FSTL4: variants seen among roughly 807,000 people sequenced by gnomAD.
FSTL4 encodes follistatin-related protein 4.
In FSTL4, 28 loss-of-function variants were observed where a neutral mutation model predicts 78.2. That is an observed-to-expected ratio of 0.36 (90% confidence interval 0.27 to 0.49). The LOEUF is 0.49. Ranked by LOEUF, FSTL4 falls within the 20% of genes least tolerant of loss-of-function variation. The probability of loss-of-function intolerance (pLI) is 0.98; values close to 1 mark genes in which losing one functional copy is unlikely to be tolerated. For synonymous variants in FSTL4, 422 were observed against 440.5 expected, an observed-to-expected ratio of 0.96 and a Z score of 0.53; for missense variants, 922 against 1,084.9, an observed-to-expected ratio of 0.85 and a Z score of 2.11.
intron 7 of FSTL4, 94 bp from the exon 8 acceptor site, chr5:133,233,631 G>A: frequency 6.8e-7 from 1 of 1,472,182 alleles, no homozygotes; most frequent in Non-Finnish European, 9.4e-7. Context: ...TCCTGCAGCT[G>A]GGAGAGAGTT....
At chr5:133,606,063 G>A (rs1277567935) in intron 1 of FSTL4, among the ~76,000 whole-genome samples, 1 of 152,118 alleles carries the variant, frequency 6.6e-6, no homozygotes, top group African/African-American at 2.4e-5. Flanking sequence ...AGAAGGAGCA[G>A]GAAAAGAAAA....
chr5:133,644,135 A>G, the FSTL4 span, among the ~76,000 whole-genome samples: 1 of 152,142 alleles, frequency 6.6e-6, no homozygotes, highest in African/African-American at 2.4e-5. Context: ...GCACTGTGCT[A>G]GGAGAAAAGA....
intron 4 of FSTL4, among the ~76,000 whole-genome samples, chr5:133,328,736 T>C (rs556752199): frequency 4.6e-5 from 7 of 152,146 alleles, no homozygotes; most frequent in Non-Finnish European, 1.0e-4. Flanking sequence ...GCAGAAGCAG[T>C]AGTGCTGGAC....
At chr5:133,500,082 C>G (rs555289595) in intron 3 of FSTL4, among the ~76,000 whole-genome samples, 2 of 152,228 alleles carry the variant, frequency 1.3e-5, no homozygotes, top group East Asian at 3.9e-4. Context: ...AGGAGTAGAG[C>G]AGGAGTTCTA....
At chr5:133,266,265 T>G (rs1752638884) in intron 6 of FSTL4, among the ~76,000 whole-genome samples, 1 of 152,264 alleles carries the variant, frequency 6.6e-6, no homozygotes, top group African/African-American at 2.4e-5. Flanking sequence ...ACATGGCTGC[T>G]GACTATTTTC....
At chr5:133,822,708 C>T in the FSTL4 span, among the ~76,000 whole-genome samples, 1 of 152,182 alleles carries the variant, frequency 6.6e-6, no homozygotes, top group African/African-American at 2.4e-5. Context: ...ATATGAATCC[C>T]ATCTTTAATA....
Position 133,561,523 on chromosome 5 carries a change from C to G in FSTL4, c.160+5663G>C, listed in dbSNP as rs113978887. 2.0e-3 allele frequency among the ~76,000 whole-genome samples: 303 copies of G among 152,230 alleles called. 1 individual carries two copies. Among genetic ancestry groups the G allele is most frequent in the Middle Eastern group, 0.01 (3 of 294 alleles). ...TCTGAGACGGTGAGCAGGCAGGACT[C>G]TGAGCTGCAGCTGCTTGTGGCCATC... On this transcript the variant is annotated intron_variant, in intron 3 of 15. Coordinates refer to ENST00000265342, the MANE Select transcript of FSTL4 (RefSeq NM_015082.2).
intron 14 of FSTL4, among the ~76,000 whole-genome samples, chr5:133,207,028 A>T (rs1750537821): frequency 6.6e-6 from 1 of 152,146 alleles, no homozygotes; most frequent in Admixed American, 6.5e-5. Flanking sequence ...TTTCTTAATT[A>T]TCAGAAAATA....
At chr5:133,503,429 T>G (rs993244015) in intron 3 of FSTL4, among the ~76,000 whole-genome samples, 1 of 151,954 alleles carries the variant, frequency 6.6e-6, no homozygotes, top group South Asian at 2.1e-4. Flanking sequence ...CATAAGCCAG[T>G]GTGCACTGGC....
chr5:133,610,919 TCAC>T, intron 1 of FSTL4, among the ~76,000 whole-genome samples: 1 of 152,138 alleles, frequency 6.6e-6, no homozygotes, highest in African/African-American at 2.4e-5. Flanking sequence ...GGCAGTTACT[TCAC>T]CACCTATTGA....
the FSTL4 span, among the ~76,000 whole-genome samples, chr5:133,633,280 T>A: frequency 0.021 from 3,200 of 152,182 alleles, 121 homozygotes; most frequent in African/African-American, 0.073. Context: ...ATAACATAGG[T>A]CCCACAGGTT....
intron 4 of FSTL4, among the ~76,000 whole-genome samples, chr5:133,396,300 ACT>A (rs1756044713): frequency 1.3e-5 from 2 of 152,050 alleles, no homozygotes; most frequent in South Asian, 4.2e-4. Context: ...TACTCACAAC[ACT>A]CTATGAGGTA....
intron 3 of FSTL4, among the ~76,000 whole-genome samples, chr5:133,565,133 A>T (rs564816437): frequency 6.6e-6 from 1 of 152,328 alleles, no homozygotes; most frequent in East Asian, 1.9e-4. Flanking sequence ...AGCTGTGCAG[A>T]AAAATCAGCT....
chr5:133,330,049 T>C (rs1429988543), intron 4 of FSTL4, among the ~76,000 whole-genome samples: 4 of 152,212 alleles, frequency 2.6e-5, no homozygotes, highest in African/African-American at 9.7e-5. Context: ...AACACTTGAA[T>C]ATTCAAGTTG....
the FSTL4 span, among the ~76,000 whole-genome samples, chr5:133,783,960 A>C: frequency 4.4e-5 from 6 of 135,670 alleles, no homozygotes; most frequent in African/African-American, 1.7e-4. Context: ...GGCCTCCTTT[A>C]TCTCTCTGCC....
chr5:133,274,198 G>A (rs777140199), intron 6 of FSTL4, among the ~76,000 whole-genome samples: 71 of 152,040 alleles, frequency 4.7e-4, no homozygotes, highest in Admixed American at 4.7e-3. Context: ...GCCAAAGGTG[G>A]TTCCCATTTC....
At chr5:133,574,571 C>A (rs1041921475) in intron 2 of FSTL4, among the ~76,000 whole-genome samples, 2 of 152,210 alleles carry the variant, frequency 1.3e-5, no homozygotes, top group Admixed American at 1.3e-4. Flanking sequence ...CATCTATGTT[C>A]CTGACCCAAC....
chr5:133,819,656 G>C, the FSTL4 span, among the ~76,000 whole-genome samples: 4 of 152,148 alleles, frequency 2.6e-5, no homozygotes, highest in Admixed American at 6.5e-5. Flanking sequence ...AGATGAAACC[G>C]GGCTGCCCAC....
the FSTL4 span, among the ~76,000 whole-genome samples, chr5:133,747,117 T>C: frequency 6.6e-6 from 1 of 152,164 alleles, no homozygotes; most frequent in East Asian, 1.9e-4. Flanking sequence ...CGCCTGTTGT[T>C]TCTATTGCTG....
Sources: allele counts gnomAD v4.1 joint callset (sites outside exome capture counted in the v4.1 genomes callset), GRCh38; gene constraint gnomAD v4.1.1; transcripts MANE v1.5; gene names NCBI Gene and HGNC (gene_info 2026-07-23, HGNC 2026-07-21).